CACNA2D3: variants seen among roughly 807,000 people sequenced by gnomAD.
The protein encoded by CACNA2D3 is voltage-dependent calcium channel subunit alpha-2/delta-3.
Under a neutral mutation model 160.6 loss-of-function variants are expected in CACNA2D3, and 60 were observed. The ratio of observed to expected loss-of-function variants is 0.37; its 90% CI spans 0.30 to 0.46. CACNA2D3 has a LOEUF of 0.46. Among genes scored for constraint, CACNA2D3 ranks in the 20% least tolerant of loss-of-function variants. The pLI, the probability that CACNA2D3 is intolerant of heterozygous loss-of-function variation, is 1.00. For synonymous variants in CACNA2D3, 558 were observed against 492.9 expected (o/e 1.13, Z -1.75); for missense variants, 1,205 against 1,365.0 (o/e 0.88, Z 1.85).
chr3:55,068,440 C>G (rs1253901771), intron 35 of CACNA2D3, among the ~76,000 whole-genome samples: 4 of 152,204 alleles, frequency 2.6e-5, no homozygotes, highest in Admixed American at 1.3e-4. Flanking sequence ...TGCATACGCT[C>G]TACTTATTGA....
intron 35 of CACNA2D3, among the ~76,000 whole-genome samples, chr3:55,051,810 C>T (rs540987039): frequency 6.6e-5 from 10 of 152,282 alleles, no homozygotes; most frequent in East Asian, 5.8e-4. Flanking sequence ...TCTCGTGGTG[C>T]GCCGTTTTTT....
Position 55,002,943 on chromosome 3 carries a change from C to T in CACNA2D3, c.2691-1820C>T, listed in dbSNP as rs147174231. On this transcript the variant is annotated intron_variant, in intron 31 of 37. Transcript: ENST00000474759. Reference sequence around the variant, plus strand: ...TTGCAGTTGACCACTTTGTTCTCATCATCTGTGTAACATTTGTGCAATCAG... The same window carrying T: ...TTGCAGTTGACCACTTTGTTCTCATTATCTGTGTAACATTTGTGCAATCAG... 1.2e-3 allele frequency among the ~76,000 whole-genome samples: 179 copies of T among 152,314 alleles called. 1 individual carries two copies. Among genetic ancestry groups the T allele is most frequent in the Middle Eastern group, 6.8e-3 (2 of 294 alleles).
intron 8 of CACNA2D3, among the ~76,000 whole-genome samples, chr3:54,577,237 TA>T (rs1439917531): frequency 2.6e-5 from 4 of 152,056 alleles, no homozygotes; most frequent in African/African-American, 9.7e-5. Context: ...AGTGAGCAAA[TA>T]AAGAAGTGAA....
At chr3:54,699,447 C>CA (rs1278317361) in intron 11 of CACNA2D3, among the ~76,000 whole-genome samples, 1 of 152,204 alleles carries the variant, frequency 6.6e-6, no homozygotes, top group East Asian at 1.9e-4. Context: ...TGCTTCCCCC[C>CA]AGTCACTAAC....
chr3:54,595,990 AATTTTAACC>A (rs1702946392), intron 9 of CACNA2D3, among the ~76,000 whole-genome samples: 2 of 152,128 alleles, frequency 1.3e-5, no homozygotes, highest in Admixed American at 6.5e-5. Context: ...CTTGGCATAC[AATTTTAACC>A]AATTTGGCTA....
intron 2 of CACNA2D3, among the ~76,000 whole-genome samples, chr3:54,129,211 AC>A (rs1420758116): frequency 1.8e-4 from 28 of 152,234 alleles, no homozygotes; most frequent in African/African-American, 6.8e-4. Context: ...GCCTGTACTT[AC>A]AGCTCACCCT....
chr3:54,289,417 G>C (rs1028493216), intron 2 of CACNA2D3, among the ~76,000 whole-genome samples: 16 of 152,086 alleles, frequency 1.1e-4, no homozygotes, highest in East Asian at 1.9e-4. Flanking sequence ...AGGATACAAA[G>C]AAATGGAAGA....
intron 31 of CACNA2D3, among the ~76,000 whole-genome samples, chr3:54,989,054 G>A (rs551160460): frequency 1.2e-3 from 182 of 152,302 alleles, no homozygotes; most frequent in Non-Finnish European, 2.3e-3. Flanking sequence ...CAAGCTTCCT[G>A]CAGCAGCTCC....
chr3:54,735,361 G>A (rs1184348667), intron 11 of CACNA2D3, among the ~76,000 whole-genome samples: 1 of 152,126 alleles, frequency 6.6e-6, no homozygotes, highest in Admixed American at 6.5e-5. Context: ...ACATCACATT[G>A]AGCACAGGAC....
chr3:54,395,985 T>C, intron 4 of CACNA2D3, among the ~76,000 whole-genome samples: 2 of 54,796 alleles, frequency 3.6e-5, no homozygotes, highest in African/African-American at 9.0e-5. Context: ...TCCTCTTTTA[T>C]TTCATTGAGC....
chr3:54,983,752 C>T (rs772844735), intron 29 of CACNA2D3, among the ~76,000 whole-genome samples: 8 of 152,220 alleles, frequency 5.3e-5, no homozygotes, highest in Admixed American at 1.3e-4. Context: ...TGGAGCTAGG[C>T]GGAATTTAGC....
At chr3:54,269,597 G>T (rs1174154106) in intron 2 of CACNA2D3, among the ~76,000 whole-genome samples, 1 of 152,148 alleles carries the variant, frequency 6.6e-6, no homozygotes, top group African/African-American at 2.4e-5. Flanking sequence ...CCATCACTGT[G>T]TAAAGCATGT....
intron 35 of CACNA2D3, among the ~76,000 whole-genome samples, chr3:55,044,747 T>C (rs1002277879): frequency 3.3e-5 from 5 of 152,188 alleles, no homozygotes; most frequent in African/African-American, 1.2e-4. Context: ...GTTTACTGTT[T>C]GTTTATTTCA....
In CACNA2D3 at chr3:54,301,735, C is replaced by T. The variant is rs538899806; in HGVS notation, c.205-18707C>T. 5.3e-5 allele frequency among the ~76,000 whole-genome samples: 8 copies of T among 152,208 alleles called. No individual in the cohort carries two copies. In the South Asian group the frequency reaches 1.5e-3, roughly 28 times the overall value. On this transcript the variant is annotated intron_variant, in intron 2 of 37. Coordinates refer to ENST00000474759, the MANE Select transcript of CACNA2D3 (RefSeq NM_018398.3). ...CAGCAGGCACATGTGCACACATGGG[C>T]GCACACACACACATAACAAACACTT...
rs147619106 is a variant in CACNA2D3 at position 54,567,622 on chromosome 3, G to C, written c.677-2173G>C. Among the ~76,000 whole-genome samples, 46 of 152,218 alleles carry C rather than the reference G, an allele frequency of 3.0e-4. 1 individual carries two copies. The highest frequency in any genetic ancestry group is 1.2e-3 in the South Asian group (6 of 4,816). ...GCAATCTTGGCTCACTGCAACCTCT[G>C]CTGCCCAAGTTCAAGCAATTCTCCT... On this transcript the variant is annotated intron_variant, in intron 6 of 37. Coordinates refer to ENST00000474759, the MANE Select transcript of CACNA2D3 (RefSeq NM_018398.3).
chr3:55,040,319 C>CT (rs1341706632), intron 35 of CACNA2D3, among the ~76,000 whole-genome samples: 2 of 152,152 alleles, frequency 1.3e-5, no homozygotes, highest in African/African-American at 4.8e-5. Flanking sequence ...TAGTGTATCT[C>CT]TTTTCTCTTA....
At position 54,523,454 on chromosome 3, in the gene CACNA2D3, G is replaced by A. The variant is rs76484724; in HGVS notation, c.544+19800G>A. The stretch of plus-strand genomic sequence containing the variant: ...GCTGGATTTGGTTTGTTAGTATGAC[G>A]TTTTTGCAGTCATATTTATAAAAGA... On this transcript the variant is annotated intron_variant, in intron 5 of 37. Coordinates refer to ENST00000474759, the MANE Select transcript of CACNA2D3 (RefSeq NM_018398.3). 2.8e-3 allele frequency among the ~76,000 whole-genome samples: 419 copies of A among 152,122 alleles called. 4 individuals are homozygous for A. Among genetic ancestry groups the A allele is most frequent in the African/African-American group, 9.5e-3 (396 of 41,532 alleles).
chr3:54,637,340 T>TGG (rs939322159), intron 10 of CACNA2D3, among the ~76,000 whole-genome samples: 1 of 150,920 alleles, frequency 6.6e-6, no homozygotes, highest in Non-Finnish European at 1.5e-5. Flanking sequence ...TGGGTTAAGG[T>TGG]GGGGGGATAC....
intron 35 of CACNA2D3, among the ~76,000 whole-genome samples, chr3:55,033,584 G>GTATATA (rs36230201): frequency 2.4e-4 from 27 of 112,778 alleles, no homozygotes; most frequent in East Asian, 1.1e-3. Context: ...ATGTGTGTGT[G>GTATATA]TATATATATA....
Sources: allele counts gnomAD v4.1 joint callset (sites outside exome capture counted in the v4.1 genomes callset), GRCh38; gene constraint gnomAD v4.1.1; transcripts MANE v1.5; gene names NCBI Gene and HGNC (gene_info 2026-07-23, HGNC 2026-07-21).